The following ZBTB17 variants were observed in gnomAD, a reference collection of about 807,000 sequenced individuals.
ZBTB17 encodes the protein zinc finger and BTB domain-containing protein 17.
A neutral mutation model predicts 85.1 loss-of-function variants in ZBTB17; 24 were observed. The ratio of observed to expected loss-of-function variants is 0.28; its 90% confidence interval spans 0.20 to 0.40. The LOEUF (loss-of-function observed/expected upper bound fraction) is 0.40. ZBTB17 is among the 10% of genes least tolerant of loss of function. The pLI is 1.00. For missense variants in ZBTB17, 743 were observed against 1,105.1 expected (o/e 0.67, Z 4.65); for synonymous variants, 464 against 460.2 (o/e 1.01, Z -0.11).
Position 15,964,125 on chromosome 1 carries a change from A to G in ZBTB17, c.-3+8914T>C, listed in dbSNP as rs1452427835. Reference sequence around the variant, plus strand: ...ACAGCGAGACCCTGTCTCTAGAGAGAAAAAAAAAAAAAGGTTTAAAAAGAA... The same window carrying G: ...ACAGCGAGACCCTGTCTCTAGAGAGGAAAAAAAAAAAAGGTTTAAAAAGAA... On this transcript the variant is annotated intron_variant, in intron 2 of 15. Coordinates refer to ENST00000375743, the MANE Select transcript of ZBTB17 (RefSeq NM_003443.3). This position sits in a 1 kb window ranked among gnomAD's most constrained non-coding sequence, Gnocchi z 4.3. 3.1e-5 allele frequency among the ~76,000 whole-genome samples: 2 copies of G among 63,910 alleles called. No homozygotes were observed. Among genetic ancestry groups the G allele is most frequent in the Non-Finnish European group, 8.1e-5 (2 of 24,552 alleles). 41.9% of individuals were successfully genotyped at this position (63,910 alleles called of 152,430 possible). A position where few individuals can be genotyped will look rare whatever the true frequency, so the allele number is the denominator to read the frequency against.
chr1:15,945,415 G>A (rs2071556808), intron 6 of ZBTB17, among the ~76,000 whole-genome samples: 1 of 152,250 alleles, frequency 6.6e-6, no homozygotes, highest in Admixed American at 6.5e-5. Flanking sequence ...GCAGGCACTG[G>A]AGGGTTGCCG....
chr1:15,948,063 CAT>C, intron 3 of ZBTB17: 1 of 605,366 alleles, frequency 1.7e-6, no homozygotes, highest in Non-Finnish European at 3.0e-6. Flanking sequence ...TAGAGCTCAT[CAT>C]GAGCCCTTCC....
rs749944602 is a variant in ZBTB17, at chr1:15,944,465, C to A, written c.1206G>T (p.Ser402=). The A allele has an allele frequency of 1.0e-5, 16 of 1,576,494 alleles. No homozygotes were observed. In the East Asian group the frequency reaches 3.3e-4, roughly 32 times the overall value. Residue 402 remains serine (S), a synonymous_variant, in exon 9 of 16, where the codon TCG becomes TCT. Transcript: ENST00000375743. ...CEDCGKLFTT[S]GNLKRHQLVH... ...CCAGCTGGTGGCGCTTGAGGTTGCC[C>A]GAGGTGGTGAAGAGCTTGCCGCAGT...
rs950422253 is a variant in ZBTB17, at chr1:15,964,544, C to A, written c.-3+8495G>T. ...ACTAGCTTGGGCTACATGGTGAAAC[C>A]CTGTCTCTACAAAAAAGACAAAAAT... is the stretch of plus-strand genomic sequence containing the variant. On this transcript the variant is annotated intron_variant, in intron 2 of 15. Coordinates refer to ENST00000375743, the MANE Select transcript of ZBTB17 (RefSeq NM_003443.3). This position sits in a 1 kb window ranked among gnomAD's most constrained non-coding sequence, Gnocchi z 4.3. Among the ~76,000 whole-genome samples, 1 of 152,040 alleles carries A rather than the reference C, an allele frequency of 6.6e-6. No homozygotes were observed. The highest frequency in any genetic ancestry group is 2.4e-5 in the African/African-American group (1 of 41,376).
chr1:15,975,900 G>C, intron 1 of ZBTB17, 83 bp downstream of exon 1: 1 of 446,084 alleles, frequency 2.2e-6, no homozygotes, highest in Admixed American at 2.5e-5. Flanking sequence ...AACCGTCACC[G>C]GCGTCCCACC....
At chr1:15,942,807 T>C in intron 13 of ZBTB17, 69 bp from the exon 14 acceptor site, 1 of 1,556,176 alleles carries the variant, frequency 6.4e-7, no homozygotes, top group South Asian at 1.2e-5. Flanking sequence ...AGGCCCTCAA[T>C]GACTCGTTTG....
At chr1:15,956,846 G>C (rs1382799491) in intron 2 of ZBTB17, among the ~76,000 whole-genome samples, 1 of 152,230 alleles carries the variant, frequency 6.6e-6, no homozygotes. Context: ...AGAAACTAAA[G>C]CAAGCTGAGC....
In ZBTB17 at chr1:15,964,598, T is replaced by C. The variant is rs757364277; in HGVS notation, c.-3+8441A>G. 5.9e-5 allele frequency among the ~76,000 whole-genome samples: 9 copies of C among 152,110 alleles called. No homozygotes were observed. The highest frequency in any genetic ancestry group is 8.8e-5 in the Non-Finnish European group (6 of 68,016). ...TGAGCGTGGTGGCGTGTGCCTCTAG[T>C]CTCAGCTACTTGGGAGGCTGAGGCG... is the stretch of plus-strand genomic sequence containing the variant. On this transcript the variant is annotated intron_variant, in intron 2 of 15. Coordinates refer to ENST00000375743, the MANE Select transcript of ZBTB17 (RefSeq NM_003443.3). The surrounding 1 kb of genome is among the most constrained non-coding windows in gnomAD (Gnocchi z 4.3).
intron 2 of ZBTB17, among the ~76,000 whole-genome samples, chr1:15,971,457 CTA>C (rs66739372): frequency 4.1e-5 from 4 of 97,066 alleles, no homozygotes; most frequent in African/African-American, 1.1e-4. Flanking sequence ...TACACACACA[CTA>C]TATATACACA....
intron 6 of ZBTB17, 37 bp from the exon 7 acceptor site, chr1:15,945,239 T>C: frequency 6.5e-7 from 1 of 1,546,054 alleles, no homozygotes; most frequent in Non-Finnish European, 8.7e-7. Context: ...GCGGCAGCCC[T>C]CTCTGCCTGA....
At chr1:15,943,259 T>C (rs1269056388) in intron 12 of ZBTB17, 65 bp from the exon 13 acceptor site, 2 of 1,611,766 alleles carry the variant, frequency 1.2e-6, no homozygotes, top group East Asian at 2.2e-5. Context: ...CCTCACCCTC[T>C]AGACTGAAAA....
Position 15,944,955 on chromosome 1 carries a change from G to T in ZBTB17, c.909C>A (p.Ser303=), listed in dbSNP as rs1287843832. 8.9e-6 allele frequency: 14 copies of T among 1,578,840 alleles called. No homozygotes were observed. Among genetic ancestry groups the T allele is most frequent in the Non-Finnish European group, 1.2e-5 (14 of 1,165,432 alleles). Reference sequence around the variant, plus strand: ...CCCTCACCTCGCACTTGTGGATGACGGAGCCGTAGGCCTTGGACTCCGTGC... The same window carrying T: ...CCCTCACCTCGCACTTGTGGATGACTGAGCCGTAGGCCTTGGACTCCGTGC... ...GDRTESKAYG[S]VIHKCEDCGK... is the part of the protein sequence containing the mutation. The change falls in exon 7 of 16, where the codon TCC becomes TCA. Residue 303 remains serine (S), a synonymous_variant. Transcript: ENST00000375743.
intron 2 of ZBTB17, among the ~76,000 whole-genome samples, chr1:15,971,447 TAC>T (rs66739373): frequency 0.44 from 54,025 of 123,526 alleles, 13,133 homozygotes; most frequent in East Asian, 0.71. Flanking sequence ...ACTATATATA[TAC>T]ACACACACTA....
chr1:15,969,781 C>T (rs557942358), intron 2 of ZBTB17: 32 of 514,008 alleles, frequency 6.2e-5, no homozygotes, highest in African/African-American at 3.8e-4. Flanking sequence ...AATGCGTGGA[C>T]GAGAGGGGAT....
At chr1:15,956,221 C>T (rs761486682) in intron 2 of ZBTB17, among the ~76,000 whole-genome samples, 6 of 152,230 alleles carry the variant, frequency 3.9e-5, no homozygotes, top group Non-Finnish European at 7.3e-5. Flanking sequence ...ACTGACACCA[C>T]CTTAAATGAC....
In ZBTB17 at chr1:15,942,368, G is replaced by A. The variant is rs769167517; in HGVS notation, c.2091C>T (p.Ala697=). Reference sequence around the variant, plus strand: ...CTTGCTTCACAGCTTTGCTGATCTCGGCCTTCAGGACTTCCGTCTCATCGG... The same window carrying A: ...CTTGCTTCACAGCTTTGCTGATCTCAGCCTTCAGGACTTCCGTCTCATCGG... ...VTADETEVLK[A]EISKAVKQVQ... is the part of the protein sequence containing the mutation. The change falls in exon 15 of 16, where the codon GCC becomes GCT. Residue 697 remains alanine, a synonymous_variant. Coordinates refer to ENST00000375743, the MANE Select transcript of ZBTB17 (RefSeq NM_003443.3). The A allele has an allele frequency of 9.9e-6, 16 of 1,613,754 alleles. No individual in the cohort carries two copies. Among genetic ancestry groups the A allele is most frequent in the East Asian group, 2.2e-5 (1 of 44,900 alleles).
chr1:15,961,645 GCTGACCTCCAGCCC>G (rs879551052), intron 2 of ZBTB17, among the ~76,000 whole-genome samples: 4 of 152,212 alleles, frequency 2.6e-5, no homozygotes, highest in Admixed American at 2.6e-4. Context: ...AAACAGCGCT[GCTGACCTCCAGCCC>G]CTCAAATCCC....
chr1:15,943,684 G>A lies in ZBTB17; in HGVS notation c.1491C>T (p.Ser497=), dbSNP rs367571055. The A allele has an allele frequency of 4.8e-5, 77 of 1,613,148 alleles. No homozygotes were observed. Among genetic ancestry groups the A allele is most frequent in the Non-Finnish European group, 6.0e-5 (71 of 1,179,960 alleles). The change falls in exon 11 of 16, where the codon AGC becomes AGT. Residue 497 remains serine (S), a synonymous_variant. Coordinates refer to ENST00000375743, the MANE Select transcript of ZBTB17 (RefSeq NM_003443.3). ...GNLKRHLRIH[S]GEKPYVCIHC... ...GGATGCACACGTAGGGCTTCTCCCCGCTGTGGATCCGAAGGTGCCGCTTCA... is the reference window on the plus strand; with the variant it reads ...GGATGCACACGTAGGGCTTCTCCCCACTGTGGATCCGAAGGTGCCGCTTCA...
intron 2 of ZBTB17, among the ~76,000 whole-genome samples, chr1:15,971,434 C>CTATATATAT (rs1557799544): frequency 4.4e-4 from 52 of 117,698 alleles, no homozygotes; most frequent in Admixed American, 4.3e-4. Context: ...TATATACACA[C>CTATATATAT]ACACTATATA....
Sources: allele counts gnomAD v4.1 joint callset (sites outside exome capture counted in the v4.1 genomes callset), GRCh38; gene constraint gnomAD v4.1.1; non-coding constraint Gnocchi (gnomAD v3.1); transcripts MANE v1.5; gene names NCBI Gene and HGNC (gene_info 2026-07-23, HGNC 2026-07-21).